Variants in HIPK2 observed in about 807,000 individuals in gnomAD.
The protein encoded by HIPK2 is homeodomain-interacting protein kinase 2.
A neutral mutation model predicts 113.7 loss-of-function variants in HIPK2; 27 were observed. The observed-to-expected ratio is 0.24, with a 90% confidence interval of 0.17 to 0.33. The LOEUF is 0.33. HIPK2 is among the 10% of genes least tolerant of loss of function. The pLI is 1.00. For missense variants in HIPK2, 1,257 were observed against 1,588.0 expected (o/e 0.79, Z 3.54); for synonymous variants, 631 against 642.2 (o/e 0.98, Z 0.26).
At chr7:139,741,423 C>T (rs1224516807) in intron 1 of HIPK2, among the ~76,000 whole-genome samples, 1 of 152,142 alleles carries the variant, frequency 6.6e-6, no homozygotes, top group Non-Finnish European at 1.5e-5. Flanking sequence ...CACCTTTGCC[C>T]CCTCGGGACA....
Position 139,636,629 on chromosome 7 carries a change from G to A in HIPK2, c.1104-4904C>T, listed in dbSNP as rs563519818. On this transcript the variant is annotated intron_variant, in intron 2 of 14. Transcript: ENST00000406875. ...GCTGCCACAAGCCAAGGAACACCTGGAGCCACCCGAGGCAGGAAGAGACAA... is the reference window on the plus strand; with the variant it reads ...GCTGCCACAAGCCAAGGAACACCTGAAGCCACCCGAGGCAGGAAGAGACAA... 3.9e-5 allele frequency among the ~76,000 whole-genome samples: 6 copies of A among 152,238 alleles called. No homozygotes were observed. The South Asian group carries it at 1.2e-3, about 32-fold the overall frequency.
At chr7:139,759,700 C>A (rs1442774819) in intron 1 of HIPK2, among the ~76,000 whole-genome samples, 1 of 152,080 alleles carries the variant, frequency 6.6e-6, no homozygotes, top group Admixed American at 6.5e-5. Context: ...GTTATGTTAT[C>A]CTTTGTGTAA....
chr7:139,574,239 G>C (rs1798412670), intron 14 of HIPK2, among the ~76,000 whole-genome samples: 1 of 152,138 alleles, frequency 6.6e-6, no homozygotes. Context: ...GCTGGGTGTG[G>C]TGGCTCATGC....
chr7:139,740,061 G>A (rs1796056255), intron 1 of HIPK2, among the ~76,000 whole-genome samples: 1 of 152,250 alleles, frequency 6.6e-6, no homozygotes, highest in Admixed American at 6.5e-5. Context: ...GAACTGCCAG[G>A]TCAGGTGGCG....
At chr7:139,723,253 C>T (rs987206303) in intron 1 of HIPK2, among the ~76,000 whole-genome samples, 2 of 145,538 alleles carry the variant, frequency 1.4e-5, no homozygotes, top group African/African-American at 2.6e-5. Flanking sequence ...GAGTGCAATG[C>T]TGCAATCTTG....
intron 2 of HIPK2, among the ~76,000 whole-genome samples, chr7:139,645,716 C>A (rs1801193082): frequency 6.6e-6 from 1 of 152,078 alleles, no homozygotes; most frequent in African/African-American, 2.4e-5. Flanking sequence ...GACGTGCACG[C>A]CATCAAACCA....
Position 139,614,327 on chromosome 7 carries a change from G to T in HIPK2, c.1949C>A (p.Pro650Gln), listed in dbSNP as rs373425042. 6.4e-7 allele frequency: 1 copy of T among 1,558,784 alleles called. No homozygotes were observed. Among genetic ancestry groups the T allele is most frequent in the African/African-American group, 1.4e-5 (1 of 73,466 alleles). ...ACACACGATGAGAGCTTGCTGGAACGGGTCAGGCCGGGCACAAATCTGGGC... is the reference window on the plus strand; with the variant it reads ...ACACACGATGAGAGCTTGCTGGAACTGGTCAGGCCGGGCACAAATCTGGGC... ...GTAQICARPD[P>Q]FQQALIVCPP... The change falls in exon 8 of 15, where the codon CCG (proline) becomes CAG (glutamine). Residue 650 changes from proline to glutamine, a missense_variant. Physicochemically the swap from Pro to Gln is moderately conservative, Grantham distance 76. Transcript: ENST00000406875.
intron 1 of HIPK2, among the ~76,000 whole-genome samples, chr7:139,719,123 C>T (rs1015807349): frequency 2.0e-5 from 3 of 151,988 alleles, no homozygotes; most frequent in Non-Finnish European, 4.4e-5. Context: ...CGGGTGGTTC[C>T]TCTTCCTCCT....
chr7:139,763,473 C>CT (rs1004442076), intron 1 of HIPK2, among the ~76,000 whole-genome samples: 1 of 62,924 alleles, frequency 1.6e-5, no homozygotes, highest in Non-Finnish European at 2.9e-5. Flanking sequence ...CCGGAACACG[C>CT]CCCCCCCCCC....
At chr7:139,697,909 G>A (rs1007642372) in intron 2 of HIPK2, among the ~76,000 whole-genome samples, 8 of 141,190 alleles carry the variant, frequency 5.7e-5, no homozygotes, top group East Asian at 2.0e-4. Flanking sequence ...TCGCTCTGTC[G>A]CCCAGACTGG....
At chr7:139,663,573 TGGTG>T (rs1344139214) in intron 2 of HIPK2, among the ~76,000 whole-genome samples, 2 of 152,172 alleles carry the variant, frequency 1.3e-5, no homozygotes, top group Non-Finnish European at 2.9e-5. Flanking sequence ...TAAAGGTAAC[TGGTG>T]GGAAGGAGGG....
At position 139,714,604 on chromosome 7, in the gene HIPK2, C is replaced by G. The variant is rs528635146; in HGVS notation, c.1103+1328G>C. On this transcript the variant is annotated intron_variant, in intron 2 of 14. Coordinates refer to ENST00000406875, the MANE Select transcript of HIPK2 (RefSeq NM_022740.5). The surrounding 1 kb of genome is among the most constrained non-coding windows in gnomAD (Gnocchi z 4.2). ...GCCTTCTCTCTGTGGCCTTGAAAGG[C>G]GCATGGAGAAAGCACACGGGCAAGC... Among the ~76,000 whole-genome samples the G allele has an allele frequency of 6.6e-6, 1 of 152,320 alleles. No individual in the cohort carries two copies. Among genetic ancestry groups the G allele is most frequent in the Non-Finnish European group, 1.5e-5 (1 of 68,020 alleles).
At chr7:139,707,956 C>CT (rs1198628194) in intron 2 of HIPK2, among the ~76,000 whole-genome samples, 2 of 152,114 alleles carry the variant, frequency 1.3e-5, no homozygotes, top group Non-Finnish European at 2.9e-5. Flanking sequence ...CACATGACCC[C>CT]TCCTATGGTA....
intron 1 of HIPK2, among the ~76,000 whole-genome samples, chr7:139,721,751 G>A (rs1169120785): frequency 6.6e-6 from 1 of 151,974 alleles, no homozygotes; most frequent in Non-Finnish European, 1.5e-5. Context: ...CTAGGTGAGA[G>A]ACCAGGGGGA....
At chr7:139,746,416 G>C (rs1236669973) in intron 1 of HIPK2, among the ~76,000 whole-genome samples, 1 of 152,168 alleles carries the variant, frequency 6.6e-6, no homozygotes, top group Non-Finnish European at 1.5e-5. Context: ...TGCATCGCTT[G>C]ATGTCTTTTG....
At chr7:139,675,003 A>C (rs1802446738) in intron 2 of HIPK2, among the ~76,000 whole-genome samples, 1 of 152,196 alleles carries the variant, frequency 6.6e-6, no homozygotes, top group Admixed American at 6.5e-5. Flanking sequence ...AATGCTGGGA[A>C]ACGTGCTCAC....
Position 139,683,918 on chromosome 7 carries a change from A to C in HIPK2, c.1103+32014T>G, listed in dbSNP as rs77422636. On this transcript the variant is annotated intron_variant, in intron 2 of 14. Transcript: ENST00000406875. The surrounding 1 kb of genome is among the most constrained non-coding windows in gnomAD (Gnocchi z 4.2). ...TATATATAGAGAGACATACCTCATT[A>C]TATTGCCCCTAGCTTGACTGAGCTT... 4.2e-3 allele frequency among the ~76,000 whole-genome samples: 642 copies of C among 151,618 alleles called. 5 individuals carry two copies. The highest frequency in any genetic ancestry group is 0.014 in the African/African-American group (566 of 41,342).
chr7:139,705,826 TAAA>T (rs1010543995), intron 2 of HIPK2, among the ~76,000 whole-genome samples: 6 of 105,332 alleles, frequency 5.7e-5, no homozygotes, highest in Admixed American at 9.8e-5. Context: ...AAAAGATTAG[TAAA>T]AAAAAAAAAA....
chr7:139,601,904 C>T (rs1799437490), intron 10 of HIPK2, among the ~76,000 whole-genome samples: 1 of 151,102 alleles, frequency 6.6e-6, no homozygotes, highest in Non-Finnish European at 1.5e-5. Context: ...TTTGATAGCG[C>T]CTTTTGGGCA....
Sources: allele counts gnomAD v4.1 joint callset (sites outside exome capture counted in the v4.1 genomes callset), GRCh38; gene constraint gnomAD v4.1.1; non-coding constraint Gnocchi (gnomAD v3.1); transcripts MANE v1.5; gene names NCBI Gene and HGNC (gene_info 2026-07-23, HGNC 2026-07-21).